Variants in STXBP6 observed in about 807,000 individuals in gnomAD.
STXBP6 encodes syntaxin-binding protein 6.
STXBP6 carries 21 observed loss-of-function variants against 26.9 expected under a neutral mutation model. The observed-to-expected ratio is 0.78, with a 90% confidence interval of 0.55 to 1.12. The LOEUF is 1.12. Among genes scored for constraint, STXBP6 ranks in the 50% most tolerant of loss-of-function variants. STXBP6 has a pLI of 0.00. For missense variants in STXBP6, 232 were observed against 257.9 expected (o/e 0.90, Z 0.69); for synonymous variants, 97 against 92.6 (o/e 1.05, Z -0.27).
chr14:24,820,744 T>A (rs2068110871), intron 4 of STXBP6, among the ~76,000 whole-genome samples: 1 of 152,222 alleles, frequency 6.6e-6, no homozygotes, highest in South Asian at 2.1e-4. Flanking sequence ...CTCACTTGAT[T>A]GTCACAATTC....
intron 1 of STXBP6, among the ~76,000 whole-genome samples, chr14:25,024,684 G>A (rs2140439030): frequency 2.0e-5 from 3 of 152,270 alleles, no homozygotes; most frequent in African/African-American, 7.2e-5. Flanking sequence ...CTCCTAGACA[G>A]CCTAGCAATA....
At chr14:24,858,426 C>G (rs1242507369) in intron 2 of STXBP6, among the ~76,000 whole-genome samples, 3 of 152,108 alleles carry the variant, frequency 2.0e-5, no homozygotes, top group African/African-American at 4.8e-5. Flanking sequence ...TGCTTCCAAC[C>G]AAAATTTAGT....
In STXBP6 at chr14:24,897,267, A is replaced by G. The variant is rs1026714124; in HGVS notation, c.155-40110T>C. Among the ~76,000 whole-genome samples the G allele has an allele frequency of 4.1e-4, 62 of 151,846 alleles. 1 individual carries two copies. Among genetic ancestry groups the G allele is most frequent in the African/African-American group, 1.5e-3 (61 of 41,428 alleles). Reference sequence around the variant, plus strand: ...CTACTAAAAATACATAAAATTAGCCAGGCGTGGTGGTGGGCGCCTTTAGTC... The same window carrying G: ...CTACTAAAAATACATAAAATTAGCCGGGCGTGGTGGTGGGCGCCTTTAGTC... On this transcript the variant is annotated intron_variant, in intron 2 of 5. Coordinates refer to ENST00000323944, the MANE Select transcript of STXBP6 (RefSeq NM_001394410.1).
chr14:24,907,582 TTTTAA>T (rs1435250869), intron 2 of STXBP6, among the ~76,000 whole-genome samples: 1 of 152,158 alleles, frequency 6.6e-6, no homozygotes, highest in Non-Finnish European at 1.5e-5. Context: ...TTTCCATACT[TTTTAA>T]TTTATTTTCT....
At chr14:25,043,388 T>TA (rs1391867380) in intron 1 of STXBP6, among the ~76,000 whole-genome samples, 7 of 151,884 alleles carry the variant, frequency 4.6e-5, no homozygotes, top group South Asian at 2.1e-4. Flanking sequence ...CATTTTTTTT[T>TA]AAAAAAACAA....
chr14:24,957,801 G>C (rs1483656325), intron 2 of STXBP6, among the ~76,000 whole-genome samples: 1 of 152,194 alleles, frequency 6.6e-6, no homozygotes, highest in Non-Finnish European at 1.5e-5. Flanking sequence ...CTAGTCAGTA[G>C]TAGAAACAGG....
chr14:24,995,173 G>A (rs1488130727), intron 1 of STXBP6, among the ~76,000 whole-genome samples: 2 of 152,160 alleles, frequency 1.3e-5, no homozygotes, highest in African/African-American at 4.8e-5. Context: ...TTCATAGATG[G>A]TGCCTTGTAG....
intron 2 of STXBP6, among the ~76,000 whole-genome samples, chr14:24,893,449 G>A (rs1437207750): frequency 1.3e-5 from 2 of 152,196 alleles, no homozygotes; most frequent in Non-Finnish European, 2.9e-5. Flanking sequence ...TTGGCTATCT[G>A]GCTTCAGGGT....
intron 2 of STXBP6, among the ~76,000 whole-genome samples, chr14:24,905,243 C>T (rs944213441): frequency 1.3e-4 from 20 of 152,178 alleles, no homozygotes; most frequent in Non-Finnish European, 1.9e-4. Context: ...TGTTAAGAGA[C>T]TTCAGTTCAA....
At chr14:24,814,838 G>A (rs1453440048) in intron 5 of STXBP6, among the ~76,000 whole-genome samples, 3 of 152,200 alleles carry the variant, frequency 2.0e-5, no homozygotes, top group Non-Finnish European at 4.4e-5. Context: ...CTTCCACCAT[G>A]TGAGGACATG....
intron 4 of STXBP6, among the ~76,000 whole-genome samples, chr14:24,849,553 T>G (rs1434666163): frequency 2.0e-5 from 3 of 152,142 alleles, no homozygotes; most frequent in Non-Finnish European, 4.4e-5. Flanking sequence ...TTAATGGCTG[T>G]GGGATCTTGG....
chr14:24,959,266 A>G (rs2073446450), intron 2 of STXBP6, among the ~76,000 whole-genome samples: 1 of 152,196 alleles, frequency 6.6e-6, no homozygotes, highest in African/African-American at 2.4e-5. Flanking sequence ...TAGTCTTGGT[A>G]AGGGAAGAGA....
At position 24,982,308 on chromosome 14, in the gene STXBP6, G is replaced by C. The variant is rs546508803; in HGVS notation, c.-32-7458C>G. 1.2e-4 allele frequency among the ~76,000 whole-genome samples: 19 copies of C among 152,316 alleles called. No individual in the cohort carries two copies. The East Asian group carries it at 3.1e-3, about 25-fold the overall frequency. ...AACTCCCACCCTCAAAAAGCTGTGA[G>C]AAAGGAGAGCAAACGCTGTGAATAA... On this transcript the variant is annotated intron_variant, in intron 1 of 5. Coordinates refer to ENST00000323944, the MANE Select transcript of STXBP6 (RefSeq NM_001394410.1).
chr14:24,950,826 G>T (rs887515985), intron 2 of STXBP6, among the ~76,000 whole-genome samples: 1 of 152,066 alleles, frequency 6.6e-6, no homozygotes, highest in Non-Finnish European at 1.5e-5. Context: ...GCATGCCATG[G>T]TGGTTTGCTG....
At chr14:24,915,777 A>C (rs898913596) in intron 2 of STXBP6, among the ~76,000 whole-genome samples, 7 of 152,224 alleles carry the variant, frequency 4.6e-5, no homozygotes, top group Admixed American at 3.3e-4. Context: ...TCAATCAATC[A>C]CTCCCTCTCT....
chr14:24,843,839 C>T (rs1478381854), intron 4 of STXBP6, among the ~76,000 whole-genome samples: 2 of 152,168 alleles, frequency 1.3e-5, no homozygotes, highest in African/African-American at 2.4e-5. Context: ...TGGCACAGAG[C>T]TCCTAAAACC....
rs1378372887 is a variant in STXBP6, at chr14:25,049,610, C to T, written c.-33+268G>A. Reference sequence around the variant, plus strand: ...CCGTTCTGCGGCTTGCCCAATACTGCCCGCACAACGGGTCCCAGGGTTGGA... The same window carrying T: ...CCGTTCTGCGGCTTGCCCAATACTGTCCGCACAACGGGTCCCAGGGTTGGA... On this transcript the variant is annotated intron_variant, in intron 1 of 5. Transcript: ENST00000323944. The surrounding 1 kb of genome is among the most constrained non-coding windows in gnomAD (Gnocchi z 5.6). The T allele has an allele frequency of 4.1e-6, 4 of 985,316 alleles. No homozygotes were observed. The highest frequency in any genetic ancestry group is 4.8e-6 in the Non-Finnish European group (4 of 829,946). The allele number at this position is 985,316 out of a possible 1,614,324, so 61.0% of individuals were successfully genotyped here.
intron 2 of STXBP6, among the ~76,000 whole-genome samples, chr14:24,939,198 C>G (rs1038676570): frequency 1.6e-4 from 25 of 152,168 alleles, no homozygotes; most frequent in African/African-American, 5.8e-4. Context: ...CCTCCTAGTG[C>G]TCCGGTGACT....
At chr14:24,919,821 G>A (rs935366889) in intron 2 of STXBP6, among the ~76,000 whole-genome samples, 2 of 151,878 alleles carry the variant, frequency 1.3e-5, no homozygotes, top group African/African-American at 4.8e-5. Flanking sequence ...ATGACAGGGA[G>A]GCTAATTTCT....
Sources: allele counts gnomAD v4.1 joint callset (sites outside exome capture counted in the v4.1 genomes callset), GRCh38; gene constraint gnomAD v4.1.1; non-coding constraint Gnocchi (gnomAD v3.1); transcripts MANE v1.5; gene names NCBI Gene and HGNC (gene_info 2026-07-23, HGNC 2026-07-21).